The following C2CD3 variants were observed in gnomAD, a reference collection of about 807,000 sequenced individuals.
C2CD3 encodes the protein C2 domain containing 3 centriole elongation regulator.
Under a neutral mutation model 234.0 loss-of-function variants are expected in C2CD3, and 148 were observed. That is an observed-to-expected ratio of 0.63 (90% confidence interval 0.55 to 0.72). C2CD3 has a LOEUF of 0.72. Ranked by LOEUF, C2CD3 falls within the 30% of genes least tolerant of loss-of-function variation. The pLI, the probability that C2CD3 is intolerant of heterozygous loss-of-function variation, is 0.00. For missense variants in C2CD3, 2,577 were observed against 2,811.5 expected, an observed-to-expected ratio of 0.92 and a Z score of 1.89; for synonymous variants, 1,000 against 1,035.4, an observed-to-expected ratio of 0.97 and a Z score of 0.66.
intron 32 of C2CD3, among the ~76,000 whole-genome samples, chr11:74,014,075 C>A (rs1951791462): frequency 6.6e-6 from 1 of 152,212 alleles, no homozygotes; most frequent in African/African-American, 2.4e-5. Context: ...CTGACTCTGG[C>A]TGACAGGGCA....
rs1954938650 is a variant in C2CD3, at chr11:74,074,436, C to T, written c.4768G>A (p.Asp1590Asn). Residue 1590 changes from aspartate to asparagine, a missense_variant, in exon 24 of 33, where the codon GAT becomes AAT. Coordinates refer to ENST00000334126, the MANE Select transcript of C2CD3 (RefSeq NM_001286577.2). ...SESEQLPRRN[D>N]EVQLSPPEVI... ...TCTGGTGGAGAGAGCTGGACCTCAT[C>T]ATTCCTTCTGGGGAGCTGCTCAGAC... The T allele has an allele frequency of 6.2e-7, 1 of 1,614,202 alleles. No homozygotes were observed. The highest frequency in any genetic ancestry group is 8.5e-7 in the Non-Finnish European group (1 of 1,180,034).
intron 5 of C2CD3, 119 bp downstream of exon 5, chr11:74,138,601 C>A: frequency 5.2e-6 from 4 of 765,100 alleles, no homozygotes; most frequent in Non-Finnish European, 8.8e-6. Context: ...AGCAAGACTG[C>A]CTGTTTTTAT....
At chr11:74,043,087 C>G (rs1314612341) in intron 28 of C2CD3, among the ~76,000 whole-genome samples, 1 of 152,104 alleles carries the variant, frequency 6.6e-6, no homozygotes, top group Admixed American at 6.6e-5. Flanking sequence ...TAACTGTTAC[C>G]ACAATCAGTT....
chr11:74,162,755 G>A (rs2135571897), intron 2 of C2CD3, among the ~76,000 whole-genome samples: 1 of 152,276 alleles, frequency 6.6e-6, no homozygotes, highest in African/African-American at 2.4e-5. Flanking sequence ...ATTGTTAAAT[G>A]TATTTGCCAA....
chr11:74,114,000 C>T, intron 10 of C2CD3, 108 bp from the exon 11 acceptor site: 1 of 661,228 alleles, frequency 1.5e-6, no homozygotes, highest in Non-Finnish European at 2.5e-6. Flanking sequence ...CTCTAGTACT[C>T]AGAGGCCCTA....
chr11:74,062,350 C>T (rs1565243392), intron 24 of C2CD3, among the ~76,000 whole-genome samples: 1 of 152,178 alleles, frequency 6.6e-6, no homozygotes, highest in Admixed American at 6.5e-5. Flanking sequence ...CACACTTATT[C>T]TAAAATTGAC....
intron 3 of C2CD3, among the ~76,000 whole-genome samples, chr11:74,146,719 C>CATACACACACACACACAT (rs201264300): frequency 7.0e-6 from 1 of 142,166 alleles, no homozygotes; most frequent in Non-Finnish European, 1.5e-5. Flanking sequence ...ACCACACACA[C>CATACACACACACACACAT]ACACACACAC....
intron 24 of C2CD3, among the ~76,000 whole-genome samples, chr11:74,063,050 GAC>G (rs1439642651): frequency 1.3e-5 from 2 of 152,196 alleles, no homozygotes; most frequent in South Asian, 2.1e-4. Flanking sequence ...TAAATTCCTG[GAC>G]ACACACACCC....
Position 74,106,393 on chromosome 11 carries a change from T to C in C2CD3, c.2063A>G (p.Gln688Arg), listed in dbSNP as rs1246610238. The C allele has an allele frequency of 6.2e-7, 1 of 1,614,048 alleles. No homozygotes were observed. The highest frequency in any genetic ancestry group is 8.5e-7 in the Non-Finnish European group (1 of 1,180,024). ...DQLPVQQENG[Q>R]SPFGPLKVTM... ...TACCTTGAGGGGGCCAAATGGAGAC[T>C]GACCATTTTCTTGTTGCACTGGAAG... The change falls in exon 13 of 33, where the codon CAG becomes CGG. Residue 688 changes from glutamine to arginine, a missense_variant. Coordinates refer to ENST00000334126, the MANE Select transcript of C2CD3 (RefSeq NM_001286577.2).
Position 74,139,806 on chromosome 11 carries a change from A to G in C2CD3, c.506T>C (p.Leu169Pro). The change falls in exon 4 of 33, where the codon CTG (leucine) becomes CCG (proline). Residue 169 changes from leucine to proline, a missense_variant. By Grantham distance (98) the Leu-to-Pro change is moderately conservative. Transcript: ENST00000334126. ...ATGGTAGCTGTCGTAAGTTTCTGAC[A>G]GAGGTTCCAGGGCAAGTGAGACCTA... ...ELQVSLALEP[L>P]SETYDSYHPL... 1.2e-6 allele frequency: 2 copies of G among 1,612,788 alleles called. No individual in the cohort carries two copies.
intron 32 of C2CD3, among the ~76,000 whole-genome samples, chr11:74,025,491 C>T (rs944044982): frequency 2.0e-5 from 3 of 152,076 alleles, no homozygotes; most frequent in Admixed American, 2.0e-4. Flanking sequence ...ACTAAAAATA[C>T]TAAAAATGCC....
At chr11:74,127,548 C>T (rs1957451812) in intron 7 of C2CD3, among the ~76,000 whole-genome samples, 1 of 150,654 alleles carries the variant, frequency 6.6e-6, no homozygotes, top group African/African-American at 2.4e-5. Context: ...CACATTTTTA[C>T]ATAGATGTAT....
chr11:74,034,876 G>A (rs571013824), intron 30 of C2CD3, among the ~76,000 whole-genome samples: 1 of 152,304 alleles, frequency 6.6e-6, no homozygotes, highest in African/African-American at 2.4e-5. Context: ...CTATTGATCT[G>A]TACAGTGTAA....
intron 9 of C2CD3, among the ~76,000 whole-genome samples, chr11:74,117,602 A>C (rs1302025513): frequency 6.6e-6 from 1 of 151,760 alleles, no homozygotes; most frequent in Non-Finnish European, 1.5e-5. Flanking sequence ...GAGTGGGAAG[A>C]AGGTGAGGGA....
intron 32 of C2CD3, among the ~76,000 whole-genome samples, chr11:74,020,233 A>G (rs1952031265): frequency 6.6e-6 from 1 of 152,264 alleles, no homozygotes; most frequent in African/African-American, 2.4e-5. Flanking sequence ...CTCAGAAGAC[A>G]GGCTGCTTCT....
intron 8 of C2CD3, among the ~76,000 whole-genome samples, chr11:74,120,744 A>T (rs1019188911): frequency 6.6e-6 from 1 of 152,206 alleles, no homozygotes; most frequent in Non-Finnish European, 1.5e-5. Context: ...ATTCCCACTA[A>T]CAGTGTAAAA....
chr11:74,142,394 A>T (rs1654001061), intron 3 of C2CD3: 1 of 152,250 alleles, frequency 6.6e-6, no homozygotes, highest in Non-Finnish European at 1.5e-5. Flanking sequence ...CTTTGGGCTA[A>T]ATTACGTAGA....
intron 24 of C2CD3, among the ~76,000 whole-genome samples, chr11:74,058,229 T>C (rs930676372): frequency 2.6e-5 from 4 of 152,194 alleles, no homozygotes; most frequent in African/African-American, 9.7e-5. Flanking sequence ...CCACAGCTTC[T>C]TCAACTGTAA....
At chr11:74,130,523 G>A (rs982855688) in intron 7 of C2CD3, among the ~76,000 whole-genome samples, 2 of 152,032 alleles carry the variant, frequency 1.3e-5, no homozygotes, top group Admixed American at 6.5e-5. Flanking sequence ...ATGAGCCACC[G>A]TGCCTGGTCC....
Sources: allele counts gnomAD v4.1 joint callset (sites outside exome capture counted in the v4.1 genomes callset), GRCh38; gene constraint gnomAD v4.1.1; transcripts MANE v1.5; gene names NCBI Gene and HGNC (gene_info 2026-07-23, HGNC 2026-07-21).